The following KHDRBS2 variants were observed in gnomAD, a reference collection of about 807,000 sequenced individuals.
The protein encoded by KHDRBS2 is KH RNA binding domain containing, signal transduction associated 2.
Under a neutral mutation model 44.3 loss-of-function variants are expected in KHDRBS2, and 26 were observed. The observed-to-expected ratio is 0.59, with a 90% confidence interval of 0.43 to 0.81. The LOEUF (loss-of-function observed/expected upper bound fraction) is 0.81, where lower values mean the gene tolerates loss of function less well. Among genes scored for constraint, KHDRBS2 ranks in the 40% least tolerant of loss-of-function variants. KHDRBS2 has a pLI of 0.00. For synonymous variants in KHDRBS2, 194 were observed against 151.1 expected (o/e 1.28, Z -2.08); for missense variants, 476 against 433.1 (o/e 1.10, Z -0.88).
At chr6:61,762,288 A>G (rs555786791) in intron 6 of KHDRBS2, among the ~76,000 whole-genome samples, 5 of 152,300 alleles carry the variant, frequency 3.3e-5, no homozygotes, top group Admixed American at 1.3e-4. Flanking sequence ...TTGACCTGGG[A>G]AGAGTCTACT....
chr6:61,953,284 C>T (rs970653546), intron 4 of KHDRBS2, among the ~76,000 whole-genome samples: 3 of 151,976 alleles, frequency 2.0e-5, no homozygotes, highest in African/African-American at 4.8e-5. Flanking sequence ...AGACTTTATA[C>T]ATTCTAACCC....
At chr6:61,821,762 A>C (rs770309155) in intron 6 of KHDRBS2, among the ~76,000 whole-genome samples, 1 of 150,896 alleles carries the variant, frequency 6.6e-6, no homozygotes, top group Non-Finnish European at 1.5e-5. Flanking sequence ...GATTGCTTCC[A>C]TTTTTAGTGG....
At chr6:61,931,908 G>A (rs1436531359) in intron 4 of KHDRBS2, among the ~76,000 whole-genome samples, 3 of 151,836 alleles carry the variant, frequency 2.0e-5, no homozygotes, top group African/African-American at 7.3e-5. Flanking sequence ...AAGACAACAA[G>A]GATGAAGATT....
At chr6:61,573,504 G>A in the KHDRBS2 span, among the ~76,000 whole-genome samples, 3 of 151,972 alleles carry the variant, frequency 2.0e-5, no homozygotes, top group Admixed American at 2.0e-4. Flanking sequence ...CCATAAAAGA[G>A]CCAAGCTGGG....
intron 2 of KHDRBS2, among the ~76,000 whole-genome samples, chr6:62,111,085 G>C (rs1804893418): frequency 6.6e-6 from 1 of 151,984 alleles, no homozygotes; most frequent in Non-Finnish European, 1.5e-5. Flanking sequence ...ACCAAGTTTA[G>C]AACTAGATCA....
chr6:61,745,391 A>G (rs908257598), intron 6 of KHDRBS2, among the ~76,000 whole-genome samples: 1 of 152,298 alleles, frequency 6.6e-6, no homozygotes, highest in African/African-American at 2.4e-5. Context: ...CAGTTAATGA[A>G]CAGAACTATG....
At chr6:61,583,968 A>G in the KHDRBS2 span, among the ~76,000 whole-genome samples, 1 of 151,554 alleles carries the variant, frequency 6.6e-6, no homozygotes, top group East Asian at 1.9e-4. Context: ...TAATGTTTTG[A>G]ATGCTATTGT....
At chr6:61,611,570 AT>A in the KHDRBS2 span, among the ~76,000 whole-genome samples, 3 of 151,876 alleles carry the variant, frequency 2.0e-5, no homozygotes, top group South Asian at 6.2e-4. Context: ...AGAAGTAGCA[AT>A]CTAATGTGTG....
intron 1 of KHDRBS2, among the ~76,000 whole-genome samples, chr6:62,192,692 T>C (rs995889703): frequency 6.6e-6 from 1 of 152,164 alleles, no homozygotes; most frequent in Non-Finnish European, 1.5e-5. Context: ...TATTTAAATA[T>C]AACTGAATGT....
the KHDRBS2 span, among the ~76,000 whole-genome samples, chr6:61,560,284 A>T: frequency 6.6e-6 from 1 of 152,264 alleles, no homozygotes. Flanking sequence ...GCCTTGAAAT[A>T]GTCTTCTTTG....
rs1789133197 is a variant in KHDRBS2 at position 62,051,832 on chromosome 6, A to T, written c.220-3838T>A. On this transcript the variant is annotated intron_variant, in intron 2 of 8. Coordinates refer to ENST00000281156, the MANE Select transcript of KHDRBS2 (RefSeq NM_152688.4). ...AAAAATGGGCAAAAGATCTAAATAG[A>T]CACTTATAAAAAGAAATAAAAATAA... Among the ~76,000 whole-genome samples, 5 of 152,154 alleles carry T rather than the reference A, an allele frequency of 3.3e-5. No individual in the cohort carries two copies. The South Asian group carries it at 1.0e-3, about 32-fold the overall frequency.
chr6:61,910,621 A>T (rs753679326), intron 4 of KHDRBS2, among the ~76,000 whole-genome samples: 30 of 152,128 alleles, frequency 2.0e-4, no homozygotes, highest in Non-Finnish European at 3.7e-4. Context: ...CTTATTTTCT[A>T]TCTTGTTTTA....
chr6:61,551,904 G>T, the KHDRBS2 span, among the ~76,000 whole-genome samples: 1 of 152,072 alleles, frequency 6.6e-6, no homozygotes, highest in Non-Finnish European at 1.5e-5. Flanking sequence ...TATAAAGAAT[G>T]TCATTATATA....
chr6:61,919,363 G>A (rs1424231704), intron 4 of KHDRBS2, among the ~76,000 whole-genome samples: 1 of 151,880 alleles, frequency 6.6e-6, no homozygotes, highest in Non-Finnish European at 1.5e-5. Flanking sequence ...TGAGAAAAAT[G>A]GGGTTGAGTA....
At chr6:61,957,617 T>A (rs997822342) in intron 4 of KHDRBS2, among the ~76,000 whole-genome samples, 5 of 152,166 alleles carry the variant, frequency 3.3e-5, no homozygotes, top group African/African-American at 9.7e-5. Flanking sequence ...TAATTTTTGG[T>A]CAGACTGGTT....
At chr6:61,662,492 G>A in the KHDRBS2 span, among the ~76,000 whole-genome samples, 1 of 151,716 alleles carries the variant, frequency 6.6e-6, no homozygotes. Context: ...TTTTTGCAAT[G>A]TACTCATCTG....
intron 8 of KHDRBS2, among the ~76,000 whole-genome samples, chr6:61,682,057 T>C (rs1490020454): frequency 1.3e-5 from 2 of 151,734 alleles, no homozygotes; most frequent in African/African-American, 2.4e-5. Flanking sequence ...AATTGATATA[T>C]AAAAAAATGG....
At chr6:62,245,783 T>C (rs1283533342) in intron 1 of KHDRBS2, among the ~76,000 whole-genome samples, 1 of 152,068 alleles carries the variant, frequency 6.6e-6, no homozygotes, top group Non-Finnish European at 1.5e-5. Context: ...AATAAATCTT[T>C]ATTACAGATC....
chr6:61,753,155 T>TTCTCTCTCCCTCTCATTTTCCTC (rs1777980449), intron 6 of KHDRBS2, among the ~76,000 whole-genome samples: 1 of 152,088 alleles, frequency 6.6e-6, no homozygotes, highest in African/African-American at 2.4e-5. Context: ...TGCTCTTTCT[T>TTCTCTCTCCCTCTCATTTTCCTC]TCTCTCTCCC....
Sources: gnomAD v4.1 joint callset for allele counts (sites outside exome capture counted in the v4.1 genomes callset) on GRCh38, gnomAD v4.1.1 for gene constraint, MANE v1.5 for transcripts, NCBI Gene and HGNC (gene_info 2026-07-23, HGNC 2026-07-21) for gene names.